Variants in KCNH1 observed in about 807,000 individuals in gnomAD.
KCNH1 encodes the protein potassium voltage-gated channel subfamily H member 1.
Under a neutral mutation model 69.2 loss-of-function variants are expected in KCNH1, and 27 were observed. The ratio of observed to expected loss-of-function variants is 0.39; its 90% CI spans 0.29 to 0.54. The LOEUF (loss-of-function observed/expected upper bound fraction) is 0.54, where lower values mean the gene tolerates loss of function less well. Among genes scored for constraint, KCNH1 ranks in the 20% least tolerant of loss-of-function variants. KCNH1 has a pLI of 0.68. For synonymous variants in KCNH1, 456 were observed against 487.7 expected, an observed-to-expected ratio of 0.93 and a Z score of 0.86; for missense variants, 798 against 1,261.6, an observed-to-expected ratio of 0.63 and a Z score of 5.57.
intron 9 of KCNH1, among the ~76,000 whole-genome samples, chr1:210,778,660 T>C (rs1683912191): frequency 6.6e-6 from 1 of 151,898 alleles, no homozygotes; most frequent in Admixed American, 6.6e-5. Flanking sequence ...GAGCAAGGGG[T>C]GGCTCTAAGA....
At chr1:210,852,023 T>C (rs1033604198) in intron 7 of KCNH1, among the ~76,000 whole-genome samples, 4 of 151,954 alleles carry the variant, frequency 2.6e-5, no homozygotes, top group African/African-American at 9.7e-5. Context: ...AGAAAGAGAG[T>C]AAATAAGGAA....
chr1:210,718,786 C>T (rs942299378), intron 10 of KCNH1, among the ~76,000 whole-genome samples: 2 of 151,202 alleles, frequency 1.3e-5, no homozygotes, highest in South Asian at 2.1e-4. Context: ...AGTACTCAGT[C>T]GGCACATGTG....
At chr1:210,707,623 G>A (rs1457540597) in intron 10 of KCNH1, among the ~76,000 whole-genome samples, 2 of 152,174 alleles carry the variant, frequency 1.3e-5, no homozygotes, top group Non-Finnish European at 2.9e-5. Context: ...GAGGGAAAAC[G>A]AAACATCTTC....
At chr1:210,905,938 TAAATC>T (rs1056406443) in intron 7 of KCNH1, among the ~76,000 whole-genome samples, 2 of 152,222 alleles carry the variant, frequency 1.3e-5, no homozygotes, top group Non-Finnish European at 2.9e-5. Flanking sequence ...TCATTCTTCC[TAAATC>T]AAATCCACTT....
intron 3 of KCNH1, among the ~76,000 whole-genome samples, chr1:211,097,122 G>T (rs191249223): frequency 7.8e-4 from 119 of 152,312 alleles, no homozygotes; most frequent in Non-Finnish European, 1.5e-3. Flanking sequence ...ACATATGTGT[G>T]AGACCTTAGC....
chr1:211,110,284 G>A (rs1010124362), intron 1 of KCNH1, among the ~76,000 whole-genome samples: 1 of 152,106 alleles, frequency 6.6e-6, no homozygotes, highest in Non-Finnish European at 1.5e-5. Flanking sequence ...GGACAACATG[G>A]AAACCAGGAA....
rs12027656 is a variant in KCNH1, at chr1:211,072,669, G to T, written c.558+10111C>A. Among the ~76,000 whole-genome samples, 13 of 151,976 alleles carry T rather than the reference G, an allele frequency of 8.6e-5. No homozygotes were observed. The South Asian group carries it at 2.7e-3, about 32-fold the overall frequency. On this transcript the variant is annotated intron_variant, in intron 5 of 10. Transcript: ENST00000271751. The stretch of plus-strand genomic sequence containing the variant: ...TATTATTTGAAAGAGGTTTGGATTA[G>T]TTGTAAATGTATTTTGCAAACTTTA...
At chr1:210,884,479 G>T (rs901089892) in intron 7 of KCNH1, among the ~76,000 whole-genome samples, 5 of 152,184 alleles carry the variant, frequency 3.3e-5, no homozygotes, top group African/African-American at 1.2e-4. Flanking sequence ...AGTTCAGAGA[G>T]CTTAAATGTC....
intron 6 of KCNH1, among the ~76,000 whole-genome samples, chr1:210,954,511 A>C (rs192466547): frequency 6.6e-6 from 1 of 152,258 alleles, no homozygotes; most frequent in East Asian, 1.9e-4. Flanking sequence ...ACTAATTTAC[A>C]CTCCCACCAA....
intron 6 of KCNH1, among the ~76,000 whole-genome samples, chr1:210,947,806 C>G (rs1687987670): frequency 6.6e-6 from 1 of 151,988 alleles, no homozygotes; most frequent in Non-Finnish European, 1.5e-5. Flanking sequence ...GAAATCCTGG[C>G]TTTACTTGTT....
At chr1:210,967,729 A>C (rs1380651348) in intron 6 of KCNH1, among the ~76,000 whole-genome samples, 1 of 152,070 alleles carries the variant, frequency 6.6e-6, no homozygotes, top group African/African-American at 2.4e-5. Flanking sequence ...CCTTTCACTT[A>C]ATTTTTCTTC....
At chr1:211,028,107 A>G (rs1466273400) in intron 5 of KCNH1, among the ~76,000 whole-genome samples, 1 of 152,180 alleles carries the variant, frequency 6.6e-6, no homozygotes, top group Non-Finnish European at 1.5e-5. Context: ...ACCTTAATAA[A>G]TACAACAATT....
chr1:211,017,371 C>T (rs1020653037), intron 6 of KCNH1, among the ~76,000 whole-genome samples: 2 of 152,142 alleles, frequency 1.3e-5, no homozygotes, highest in African/African-American at 4.8e-5. Context: ...TCAACGTTCT[C>T]AAGCCTGAGT....
intron 7 of KCNH1, among the ~76,000 whole-genome samples, chr1:210,839,330 G>A (rs767341192): frequency 6.6e-6 from 1 of 152,112 alleles, no homozygotes. Context: ...AATACTACAT[G>A]TTCTCACTTA....
intron 6 of KCNH1, among the ~76,000 whole-genome samples, chr1:210,953,181 A>C (rs1688096030): frequency 6.6e-6 from 1 of 152,166 alleles, no homozygotes; most frequent in South Asian, 2.1e-4. Context: ...TTTTAAGGCT[A>C]AGCCCTCCAG....
At chr1:210,861,940 T>A (rs1685987387) in intron 7 of KCNH1, 1 of 763,912 alleles carries the variant, frequency 1.3e-6, no homozygotes, top group Admixed American at 1.8e-5. Context: ...TTTGGTGATG[T>A]GATGAATGCA....
chr1:210,722,894 G>A (rs943012868), intron 10 of KCNH1, among the ~76,000 whole-genome samples: 1 of 152,196 alleles, frequency 6.6e-6, no homozygotes, highest in Non-Finnish European at 1.5e-5. Flanking sequence ...CTCCATTTGT[G>A]TAGGAACCTG....
chr1:211,068,725 G>T (rs1312764575), intron 5 of KCNH1, among the ~76,000 whole-genome samples: 1 of 152,170 alleles, frequency 6.6e-6, no homozygotes, highest in African/African-American at 2.4e-5. Context: ...AGAGAAGTGA[G>T]TGCACAGGGC....
chr1:210,870,527 C>T (rs1686216799), intron 7 of KCNH1, among the ~76,000 whole-genome samples: 1 of 152,190 alleles, frequency 6.6e-6, no homozygotes, highest in Admixed American at 6.5e-5. Context: ...ATTTTAAATA[C>T]ACTCACCATC....
Sources: gnomAD v4.1 joint callset for allele counts (sites outside exome capture counted in the v4.1 genomes callset) on GRCh38, gnomAD v4.1.1 for gene constraint, MANE v1.5 for transcripts, NCBI Gene and HGNC (gene_info 2026-07-23, HGNC 2026-07-21) for gene names.